Variants in STIM1 observed in about 807,000 individuals in gnomAD.
STIM1 encodes the protein stromal interaction molecule 1.
In STIM1, 25 loss-of-function variants were observed where a neutral mutation model predicts 74.7. The observed-to-expected ratio is 0.33, with a 90% CI of 0.24 to 0.47. STIM1 has a LOEUF of 0.47. STIM1 is among the 20% of genes least tolerant of loss of function. STIM1 has a pLI of 1.00. For synonymous variants in STIM1, 328 were observed against 348.8 expected, an observed-to-expected ratio of 0.94 and a Z score of 0.66; for missense variants, 728 against 920.8, an observed-to-expected ratio of 0.79 and a Z score of 2.71.
intron 1 of STIM1, among the ~76,000 whole-genome samples, chr11:3,893,118 T>C (rs1230920237): frequency 6.6e-6 from 1 of 152,196 alleles, no homozygotes; most frequent in East Asian, 1.9e-4. Context: ...AATAAAAATG[T>C]CATCCCTTCC....
At chr11:4,003,518 G>C (rs1490109317) in intron 2 of STIM1, among the ~76,000 whole-genome samples, 1 of 150,908 alleles carries the variant, frequency 6.6e-6, no homozygotes, top group African/African-American at 2.4e-5. Flanking sequence ...TGCAGAAAAG[G>C]CCTTTGACAA....
chr11:3,978,526 C>T (rs577679402), intron 2 of STIM1, among the ~76,000 whole-genome samples: 8 of 149,018 alleles, frequency 5.4e-5, no homozygotes, highest in Non-Finnish European at 1.2e-4. Context: ...TTTGGGAGGC[C>T]GAGGCGGGTG....
At chr11:4,065,427 C>G (rs1159548203) in intron 5 of STIM1, among the ~76,000 whole-genome samples, 1 of 151,896 alleles carries the variant, frequency 6.6e-6, no homozygotes, top group Non-Finnish European at 1.5e-5. Flanking sequence ...GCATGCTCAA[C>G]TCTTTCCTCT....
At chr11:3,977,793 G>A (rs1230916001) in intron 2 of STIM1, among the ~76,000 whole-genome samples, 2 of 152,022 alleles carry the variant, frequency 1.3e-5, no homozygotes, top group African/African-American at 4.8e-5. Context: ...GAGGGATGTT[G>A]TGAGACATTA....
intron 1 of STIM1, among the ~76,000 whole-genome samples, chr11:3,928,974 A>G (rs1312170943): frequency 2.6e-5 from 4 of 152,090 alleles, no homozygotes; most frequent in Non-Finnish European, 4.4e-5. Context: ...GGGTTCAAGC[A>G]ATTCTCCTGC....
At chr11:4,024,312 C>G (rs539441220) in intron 3 of STIM1, among the ~76,000 whole-genome samples, 1 of 152,246 alleles carries the variant, frequency 6.6e-6, no homozygotes, top group South Asian at 2.1e-4. Context: ...GCTTGCTGGT[C>G]TCTTGAGGCA....
chr11:4,037,453 A>G (rs1014461258), intron 3 of STIM1, among the ~76,000 whole-genome samples: 6 of 152,132 alleles, frequency 3.9e-5, no homozygotes, highest in Admixed American at 1.3e-4. Context: ...ACGTATTTTG[A>G]AGCTCTGTTA....
At chr11:4,007,921 A>T (rs1296080476) in intron 2 of STIM1, among the ~76,000 whole-genome samples, 3 of 152,180 alleles carry the variant, frequency 2.0e-5, no homozygotes, top group Non-Finnish European at 4.4e-5. Flanking sequence ...CTCCAAGAGC[A>T]GTTCTAAGAG....
intron 1 of STIM1, among the ~76,000 whole-genome samples, chr11:3,939,087 A>G (rs1486460161): frequency 1.3e-5 from 2 of 152,244 alleles, no homozygotes; most frequent in African/African-American, 4.8e-5. Flanking sequence ...AGCCCTATAT[A>G]AAATATTTAG....
intron 5 of STIM1, 47 bp from the exon 6 acceptor site, chr11:4,069,979 G>T: frequency 6.2e-7 from 1 of 1,610,018 alleles, no homozygotes; most frequent in Non-Finnish European, 8.5e-7. Flanking sequence ...GCAAGGCTAA[G>T]TGTGCAGTGG....
At chr11:3,948,937 A>T (rs1226952135) in intron 1 of STIM1, among the ~76,000 whole-genome samples, 3 of 152,234 alleles carry the variant, frequency 2.0e-5, no homozygotes, top group Non-Finnish European at 2.9e-5. Flanking sequence ...AGACAATTAC[A>T]ACAAAAATAA....
At chr11:3,879,266 C>A (rs1166399442) in intron 1 of STIM1, among the ~76,000 whole-genome samples, 6 of 152,148 alleles carry the variant, frequency 3.9e-5, no homozygotes, top group African/African-American at 1.4e-4. Flanking sequence ...TTTCATACCT[C>A]TTTTCCCTAG....
intron 3 of STIM1, among the ~76,000 whole-genome samples, chr11:4,043,798 C>T (rs756380831): frequency 1.4e-4 from 21 of 152,000 alleles, no homozygotes; most frequent in Non-Finnish European, 1.0e-4. Flanking sequence ...GGGCGGATCA[C>T]GAGGTCAGGA....
At chr11:3,940,431 T>A (rs2092990727) in intron 1 of STIM1, among the ~76,000 whole-genome samples, 1 of 151,898 alleles carries the variant, frequency 6.6e-6, no homozygotes, top group Admixed American at 6.6e-5. Flanking sequence ...GCAGAAAGAG[T>A]GTATGCTTTA....
intron 1 of STIM1, among the ~76,000 whole-genome samples, chr11:3,902,473 C>T (rs977351178): frequency 7.9e-5 from 12 of 152,312 alleles, no homozygotes; most frequent in Non-Finnish European, 1.8e-4. Flanking sequence ...AACTGTTTCA[C>T]TTCAGATCAT....
chr11:3,881,091 TAAAAAA>T (rs1169148093), intron 1 of STIM1, among the ~76,000 whole-genome samples: 1 of 130,810 alleles, frequency 7.6e-6, no homozygotes, highest in Non-Finnish European at 1.6e-5. Context: ...GGCCGTTTAT[TAAAAAA>T]AAAAAAAAAA....
intron 1 of STIM1, chr11:3,892,265 G>T: frequency 1.5e-6 from 1 of 645,274 alleles, no homozygotes; most frequent in Non-Finnish European, 2.7e-6. Flanking sequence ...AAAACATGGA[G>T]CCCAAAGGGA....
At chr11:4,003,603 C>T (rs948799189) in intron 2 of STIM1, among the ~76,000 whole-genome samples, 1 of 151,984 alleles carries the variant, frequency 6.6e-6, no homozygotes, top group African/African-American at 2.4e-5. Context: ...ATAATAAGAG[C>T]TATCTATGAC....
chr11:4,055,664 G>C (rs201023169), intron 4 of STIM1, 27 bp downstream of exon 4: 2 of 1,539,698 alleles, frequency 1.3e-6, no homozygotes, highest in South Asian at 2.4e-5. Context: ...GTTTTTCTCT[G>C]TTGAGGGTAC....
Sources: allele counts gnomAD v4.1 joint callset (sites outside exome capture counted in the v4.1 genomes callset), GRCh38; gene constraint gnomAD v4.1.1; transcripts MANE v1.5; gene names NCBI Gene and HGNC (gene_info 2026-07-23, HGNC 2026-07-21).